UFD1: variants seen among roughly 807,000 people sequenced by gnomAD.
UFD1 encodes ubiquitin recognition factor in ER-associated degradation protein 1.
UFD1 carries 13 observed loss-of-function variants against 45.9 expected under a neutral mutation model. The observed-to-expected ratio is 0.28, with a 90% CI of 0.18 to 0.45. The LOEUF (loss-of-function observed/expected upper bound fraction) is 0.45, where lower values mean the gene tolerates loss of function less well. Ranked by LOEUF, UFD1 falls within the 20% of genes least tolerant of loss-of-function variation. UFD1 has a pLI of 1.00. For missense variants in UFD1, 218 were observed against 389.2 expected (o/e 0.56, Z 3.70); for synonymous variants, 128 against 139.2 (o/e 0.92, Z 0.56).
chr22:19,462,625 G>A (rs535878387), intron 6 of UFD1, among the ~76,000 whole-genome samples: 5 of 152,122 alleles, frequency 3.3e-5, no homozygotes, highest in African/African-American at 9.6e-5. Flanking sequence ...AGCCAAGATC[G>A]CGCCACTGCA....
At chr22:19,479,014 G>GA in intron 1 of UFD1, 69 bp downstream of exon 1, 1 of 1,419,172 alleles carries the variant, frequency 7.0e-7, no homozygotes, top group Non-Finnish European at 9.7e-7. Context: ...GCCCCGCCCT[G>GA]CCCCGCCGGG....
At chr22:19,468,041 T>G (rs1270855016) in intron 4 of UFD1, 38 bp from the exon 5 acceptor site, 2 of 1,610,776 alleles carry the variant, frequency 1.2e-6, no homozygotes, top group Admixed American at 1.7e-5. Context: ...CTCCTAGAGA[T>G]GAAGCAGCCT....
chr22:19,473,560 C>A (rs1232513630), intron 3 of UFD1, among the ~76,000 whole-genome samples: 3 of 152,178 alleles, frequency 2.0e-5, no homozygotes, highest in Non-Finnish European at 2.9e-5. Flanking sequence ...CCTGTTCTCT[C>A]CTCTGTAATG....
At chr22:19,452,549 C>T (rs1311282072) in intron 11 of UFD1, 2 of 151,994 alleles carry the variant, frequency 1.3e-5, no homozygotes. Flanking sequence ...TTTTGGGAGA[C>T]AGGGACTTAC....
intron 6 of UFD1, 81 bp from the exon 7 acceptor site, chr22:19,458,220 C>G: frequency 6.8e-7 from 1 of 1,472,094 alleles, no homozygotes; most frequent in Non-Finnish European, 9.5e-7. Flanking sequence ...TGTGGCTCTA[C>G]TGGCTCCTGC....
At chr22:19,477,694 T>TAA (rs35880706) in intron 1 of UFD1, among the ~76,000 whole-genome samples, 48 of 151,366 alleles carry the variant, frequency 3.2e-4, no homozygotes, top group Middle Eastern at 3.2e-3. Flanking sequence ...TAACCACAAC[T>TAA]AAAAAAAAAT....
intron 4 of UFD1, among the ~76,000 whole-genome samples, chr22:19,468,271 C>T (rs566054394): frequency 1.3e-5 from 2 of 152,192 alleles, no homozygotes; most frequent in Admixed American, 6.5e-5. Context: ...TCACTAGCTC[C>T]AGGCTTCCCA....
intron 5 of UFD1, chr22:19,465,620 G>T: frequency 3.7e-6 from 1 of 273,698 alleles, no homozygotes. Flanking sequence ...GGGATCAGGT[G>T]GGGACTGACA....
At chr22:19,468,381 A>G (rs535914698) in intron 4 of UFD1, among the ~76,000 whole-genome samples, 3 of 152,298 alleles carry the variant, frequency 2.0e-5, no homozygotes, top group Admixed American at 2.0e-4. Context: ...CACCTGAGGT[A>G]GGACAAAAGC....
At chr22:19,474,982 G>A in intron 3 of UFD1, 86 bp downstream of exon 3, 1 of 1,323,500 alleles carries the variant, frequency 7.6e-7, no homozygotes, top group Non-Finnish European at 1.1e-6. Context: ...GGGCACTGGT[G>A]TCTGGATGTA....
At position 19,467,984 on chromosome 22, in the gene UFD1, A is replaced by G. The variant is rs1327486792; in HGVS notation, c.311T>C (p.Leu104Ser). 3.1e-6 allele frequency: 5 copies of G among 1,614,142 alleles called. No homozygotes were observed. Among genetic ancestry groups the G allele is most frequent in the Non-Finnish European group, 4.2e-6 (5 of 1,180,018 alleles). ...LPHWMMQNLL[L>S]EEGGLVQVES... is the part of the protein sequence containing the mutation. ...CACCTGGACCAGGCCGCCTTCTTCC[A>G]AGAGTAAGTTCTGCATCATCTGAAA... The change falls in exon 5 of 12, where the codon TTG (leucine) becomes TCG (serine). Residue 104 changes from leucine to serine, a missense_variant. This residue lies in a region of UFD1 where 149 missense variants were observed against 307.5 expected (regional missense o/e 0.48). Coordinates refer to ENST00000263202, the MANE Select transcript of UFD1 (RefSeq NM_005659.7).
chr22:19,473,180 C>T lies in UFD1; in HGVS notation c.170-1372G>A, dbSNP rs541086408. Among the ~76,000 whole-genome samples the T allele has an allele frequency of 2.0e-5, 3 of 152,334 alleles. No homozygotes were observed. The South Asian group carries it at 6.2e-4, about 32-fold the overall frequency. ...TGACATACAGCTGGTCCACAGTAAA[C>T]TGGACTGGGCTCAGCCAAGGGTCTG... On this transcript the variant is annotated intron_variant, in intron 3 of 11. Coordinates refer to ENST00000263202, the MANE Select transcript of UFD1 (RefSeq NM_005659.7).
intron 4 of UFD1, 173 bp downstream of exon 4, chr22:19,471,514 A>ATT: frequency 9.6e-7 from 1 of 1,039,906 alleles, no homozygotes; most frequent in Non-Finnish European, 1.5e-6. Context: ...ACCAGCCCGC[A>ATT]TAAGGCACAG....
chr22:19,470,764 C>G (rs779859831), intron 4 of UFD1: 1 of 461,082 alleles, frequency 2.2e-6, no homozygotes, highest in South Asian at 1.5e-5. Context: ...CATATTTAAT[C>G]TCAGAAAATA....
At chr22:19,451,390 A>C in intron 11 of UFD1, 1 of 985,380 alleles carries the variant, frequency 1.0e-6, no homozygotes, top group Non-Finnish European at 1.2e-6. Flanking sequence ...TTTAGAGCTC[A>C]AATTCCTGGG....
At chr22:19,455,219 G>A (rs1323000603) in intron 10 of UFD1, among the ~76,000 whole-genome samples, 1 of 152,178 alleles carries the variant, frequency 6.6e-6, no homozygotes, top group Non-Finnish European at 1.5e-5. Flanking sequence ...GCCACCAGAG[G>A]AAGGGTCTGC....
At chr22:19,478,879 G>T in intron 1 of UFD1, 1 of 620,674 alleles carries the variant, frequency 1.6e-6, no homozygotes, top group Non-Finnish European at 2.6e-6. Flanking sequence ...TGCGAGCCAC[G>T]TTCAGGACCG....
intron 5 of UFD1, 72 bp downstream of exon 5, chr22:19,467,801 G>GTACA: frequency 6.3e-7 from 1 of 1,589,694 alleles, no homozygotes; most frequent in Non-Finnish European, 8.6e-7. Flanking sequence ...ATTCAATACA[G>GTACA]TACATGATGT....
Position 19,460,155 on chromosome 22 carries a change from A to G in UFD1, c.496-2016T>C, listed in dbSNP as rs551623106. 6.8e-4 allele frequency among the ~76,000 whole-genome samples: 103 copies of G among 152,204 alleles called. 2 individuals carry two copies. The highest frequency in any genetic ancestry group is 1.5e-3 in the South Asian group (7 of 4,820). On this transcript the variant is annotated intron_variant, in intron 6 of 11. Transcript: ENST00000263202. ...TGTCATAATTATTGAATAGATAAGG[A>G]ATAAAAAAAGGATCTGTCATTGTGT...
Sources: allele counts gnomAD v4.1 joint callset (sites outside exome capture counted in the v4.1 genomes callset), GRCh38; gene constraint gnomAD v4.1.1; regional missense constraint gnomAD v4.1.1; transcripts MANE v1.5; gene names NCBI Gene and HGNC (gene_info 2026-07-23, HGNC 2026-07-21).